The following EPHA3 variants were observed in gnomAD, a reference collection of about 807,000 sequenced individuals.
EPHA3 encodes the protein ephrin type-A receptor 3.
EPHA3 carries 42 observed loss-of-function variants against 107.1 expected under a neutral mutation model. That is an observed-to-expected ratio of 0.39 (90% CI 0.31 to 0.51). The LOEUF is 0.51. Among genes scored for constraint, EPHA3 ranks in the 20% least tolerant of loss-of-function variants. EPHA3 has a pLI of 0.78. For missense variants in EPHA3, 1,183 were observed against 1,211.2 expected, an observed-to-expected ratio of 0.98 and a Z score of 0.35; for synonymous variants, 461 against 424.8, an observed-to-expected ratio of 1.09 and a Z score of -1.05.
chr3:89,334,670 G>C (rs1412830008), intron 3 of EPHA3, among the ~76,000 whole-genome samples: 1 of 152,130 alleles, frequency 6.6e-6, no homozygotes, highest in Non-Finnish European at 1.5e-5. Flanking sequence ...AAAATGAATA[G>C]GAAATAACTC....
At chr3:89,415,795 T>C (rs1576366929) in intron 10 of EPHA3, among the ~76,000 whole-genome samples, 1 of 151,336 alleles carries the variant, frequency 6.6e-6, no homozygotes, top group Admixed American at 6.6e-5. Context: ...TATTTAATTT[T>C]ATTATCCTTT....
chr3:89,130,111 A>C (rs902337517), intron 2 of EPHA3, among the ~76,000 whole-genome samples: 1 of 152,182 alleles, frequency 6.6e-6, no homozygotes, highest in Admixed American at 6.5e-5. Context: ...CAATGTTTGA[A>C]GACTTTTGTA....
intron 13 of EPHA3, among the ~76,000 whole-genome samples, chr3:89,432,637 C>T (rs1236884857): frequency 6.6e-6 from 1 of 152,030 alleles, no homozygotes; most frequent in Non-Finnish European, 1.5e-5. Context: ...AGATAAAAAA[C>T]AAGTAAATGT....
intron 3 of EPHA3, among the ~76,000 whole-genome samples, chr3:89,287,793 A>T (rs1268311626): frequency 6.6e-6 from 1 of 152,084 alleles, no homozygotes; most frequent in East Asian, 1.9e-4. Context: ...GTAGATATTG[A>T]CCCAAATAAG....
chr3:89,317,294 A>G (rs180921877), intron 3 of EPHA3, among the ~76,000 whole-genome samples: 1 of 151,942 alleles, frequency 6.6e-6, no homozygotes, highest in East Asian at 1.9e-4. Flanking sequence ...AAGAAAGACA[A>G]CAGGACTTTT....
chr3:89,209,148 A>C (rs1358440611), intron 2 of EPHA3, among the ~76,000 whole-genome samples: 3 of 152,152 alleles, frequency 2.0e-5, no homozygotes, highest in African/African-American at 7.2e-5. Flanking sequence ...TAACAACAAA[A>C]CCCCAAATAT....
intron 5 of EPHA3, among the ~76,000 whole-genome samples, chr3:89,381,368 T>C (rs907633929): frequency 6.6e-6 from 1 of 151,942 alleles, no homozygotes; most frequent in Admixed American, 6.6e-5. Context: ...TCCACATTTA[T>C]ACATTGAAAC....
At chr3:89,400,544 C>T (rs1708940799) in intron 7 of EPHA3, among the ~76,000 whole-genome samples, 2 of 151,914 alleles carry the variant, frequency 1.3e-5, no homozygotes, top group Non-Finnish European at 2.9e-5. Flanking sequence ...CTGTTTAACT[C>T]ATTAATTAAT....
chr3:89,108,184 T>G (rs934748037), intron 1 of EPHA3, among the ~76,000 whole-genome samples: 1 of 152,236 alleles, frequency 6.6e-6, no homozygotes, highest in Non-Finnish European at 1.5e-5. Context: ...TTTCTAATTA[T>G]GACCATGTGG....
At chr3:89,402,517 G>A (rs975344456) in intron 7 of EPHA3, among the ~76,000 whole-genome samples, 2 of 151,620 alleles carry the variant, frequency 1.3e-5, no homozygotes, top group African/African-American at 4.8e-5. Flanking sequence ...AATTTTTTTT[G>A]TCTCACTCTC....
chr3:89,406,099 T>A (rs1709050280), intron 7 of EPHA3, among the ~76,000 whole-genome samples: 1 of 152,212 alleles, frequency 6.6e-6, no homozygotes, highest in Non-Finnish European at 1.5e-5. Context: ...TTTCTAATTA[T>A]AATTCAGAAG....
chr3:89,264,013 C>T (rs1050296159), intron 3 of EPHA3, among the ~76,000 whole-genome samples: 3 of 152,122 alleles, frequency 2.0e-5, no homozygotes, highest in Admixed American at 6.5e-5. Context: ...CCACGTCCAT[C>T]CCATGTGCAA....
At chr3:89,412,832 T>C (rs1709180260) in intron 9 of EPHA3, among the ~76,000 whole-genome samples, 2 of 151,808 alleles carry the variant, frequency 1.3e-5, no homozygotes, top group African/African-American at 4.8e-5. Flanking sequence ...TGACTAGGTC[T>C]AATCAGTTCT....
chr3:89,171,596 C>A (rs1220311811), intron 2 of EPHA3, among the ~76,000 whole-genome samples: 4 of 152,162 alleles, frequency 2.6e-5, no homozygotes, highest in Non-Finnish European at 4.4e-5. Context: ...AAAACAGCAT[C>A]TATAACTTAT....
intron 3 of EPHA3, among the ~76,000 whole-genome samples, chr3:89,308,957 G>C (rs1357821597): frequency 2.0e-5 from 3 of 152,122 alleles, no homozygotes; most frequent in African/African-American, 7.2e-5. Flanking sequence ...CCTAACTACA[G>C]CATCTGGGAG....
At chr3:89,407,144 A>G in intron 7 of EPHA3, 125 bp from the exon 8 acceptor site, 1 of 644,820 alleles carries the variant, frequency 1.6e-6, no homozygotes, top group Non-Finnish European at 2.7e-6. Flanking sequence ...TGTATCAGAC[A>G]TTAAGCCATA....
intron 3 of EPHA3, among the ~76,000 whole-genome samples, chr3:89,225,402 T>G (rs1171578020): frequency 6.6e-6 from 1 of 152,180 alleles, no homozygotes; most frequent in Non-Finnish European, 1.5e-5. Context: ...GTGGAACCTT[T>G]ACATTTTCAA....
chr3:89,189,027 T>A (rs1304521577), intron 2 of EPHA3, among the ~76,000 whole-genome samples: 1 of 152,218 alleles, frequency 6.6e-6, no homozygotes, highest in South Asian at 2.1e-4. Flanking sequence ...TCATGTGCTA[T>A]CTAGACTAGA....
chr3:89,383,208 C>G (rs751654455), intron 5 of EPHA3, among the ~76,000 whole-genome samples: 11 of 152,070 alleles, frequency 7.2e-5, no homozygotes, highest in Non-Finnish European at 1.5e-4. Flanking sequence ...AGATTAAGAC[C>G]AGCACATATT....
Sources: gnomAD v4.1 joint callset for allele counts (sites outside exome capture counted in the v4.1 genomes callset) on GRCh38, gnomAD v4.1.1 for gene constraint, MANE v1.5 for transcripts, NCBI Gene and HGNC (gene_info 2026-07-23, HGNC 2026-07-21) for gene names.